SYNE1: variants seen among roughly 807,000 people sequenced by gnomAD.
SYNE1 encodes spectrin repeat containing nuclear envelope protein 1, also known as nesprin-1.
A neutral mutation model predicts 1,111.0 loss-of-function variants in SYNE1; 616 were observed. The ratio of observed to expected loss-of-function variants is 0.55; its 90% CI spans 0.52 to 0.59. SYNE1 has a LOEUF of 0.59. Among genes scored for constraint, SYNE1 ranks in the 20% least tolerant of loss-of-function variants. The probability of loss-of-function intolerance (pLI) is 0.00; values close to 1 mark genes in which losing one functional copy is unlikely to be tolerated. For synonymous variants in SYNE1, 3,855 were observed against 3,825.8 expected (o/e 1.01, Z -0.28); for missense variants, 10,006 against 10,417.0 (o/e 0.96, Z 1.72).
chr6:152,339,361 T>A lies in SYNE1; in HGVS notation c.12231A>T (p.Lys4077Asn). ...CCTGCTCTTGCAAAGCTCTGAAGTG[T>A]TTGACCTGGAAAAGGCAGTTATCAG... ...LSRAEAIKQV[K>N]HFRALQEQAR... is the part of the protein sequence containing the mutation. The change falls in exon 75 of 146, where the codon AAA becomes AAT. Residue 4077 changes from lysine to asparagine, a missense_variant. By Grantham distance (94) the Lys-to-Asn change is moderately conservative. Around this residue, in one of 7 missense-constraint regions of SYNE1, gnomAD observed 4,955 missense variants for 5,017.2 expected, o/e 0.99. Transcript: ENST00000367255. The A allele has an allele frequency of 6.2e-7, 1 of 1,613,716 alleles. No individual in the cohort carries two copies. Among genetic ancestry groups the A allele is most frequent in the South Asian group, 1.1e-5 (1 of 91,072 alleles).
intron 3 of SYNE1, among the ~76,000 whole-genome samples, chr6:152,603,902 AT>A (rs2099603572): frequency 6.8e-6 from 1 of 147,164 alleles, no homozygotes. Flanking sequence ...GTATAGATAG[AT>A]ATACTATCTA....
rs1421368743 is a variant in SYNE1 at position 152,310,746 on chromosome 6, G to T, written c.16838C>A (p.Thr5613Asn). Residue 5613 changes from threonine to asparagine, a missense_variant, in exon 88 of 146, where the codon ACT becomes AAT. Transcript: ENST00000367255. ...SQQVAELGRE[T>N]EELRQMIKIR... is the part of the protein sequence containing the mutation. Reference sequence around the variant, plus strand: ...TTTGATCATCTGTCGCAACTCCTCAGTCTCCCGTCCCAGTTCTGCCACTTG... The same window carrying T: ...TTTGATCATCTGTCGCAACTCCTCATTCTCCCGTCCCAGTTCTGCCACTTG... 1.9e-6 allele frequency: 3 copies of T among 1,613,574 alleles called. No individual in the cohort carries two copies. The African/African-American group carries it at 4.0e-5, about 22-fold the overall frequency.
rs751437755 is a variant in SYNE1 at position 152,176,551 on chromosome 6, C to T, written c.23470G>A (p.Glu7824Lys). ...TTCTCTTGAGCAATAGCAATTTCCT[C>T]TTGATAATCCTGTGTAATAAATAGC... ...MIEKLKKDYQ[E>K]EIAIAQENKI... The change falls in exon 130 of 146, where the codon GAG becomes AAG. Residue 7824 changes from glutamate (E) to lysine (K), a missense_variant. Transcript: ENST00000367255. The T allele has an allele frequency of 9.3e-6, 15 of 1,613,984 alleles. No homozygotes were observed. The highest frequency in any genetic ancestry group is 1.2e-5 in the Non-Finnish European group (14 of 1,179,940).
In SYNE1 at chr6:152,141,307, C is replaced by A. The variant is rs1366039204; in HGVS notation, c.25142G>T (p.Ser8381Ile). Residue 8381 changes from serine (S) to isoleucine (I), a missense_variant, in exon 139 of 146, where the codon AGT becomes ATT. Physicochemically the swap from Ser to Ile is moderately radical, Grantham distance 142 (BLOSUM62 -2). Transcript: ENST00000367255. ...KGYMKLLGEC[S>I]SSIDSVKRLE... ...TCTCTTCACGGAGTCTATACTGCTA[C>A]TGCATTCGCCCAGCAGTTTCATCTG... 6.8e-6 allele frequency: 11 copies of A among 1,614,088 alleles called. No individual in the cohort carries two copies. The East Asian group carries it at 2.5e-4, about 36-fold the overall frequency.
chr6:152,305,801 G>C (rs889543760), intron 91 of SYNE1, among the ~76,000 whole-genome samples: 1 of 152,110 alleles, frequency 6.6e-6, no homozygotes, highest in Non-Finnish European at 1.5e-5. Flanking sequence ...ACACAGGACT[G>C]CATCATTTTT....
chr6:152,503,357 G>T (rs931367060), intron 9 of SYNE1, among the ~76,000 whole-genome samples: 3 of 152,098 alleles, frequency 2.0e-5, no homozygotes, highest in Non-Finnish European at 4.4e-5. Flanking sequence ...CACTCTTCGA[G>T]GGAAACTCTT....
chr6:152,321,130 T>A, intron 84 of SYNE1, 108 bp downstream of exon 84: 3 of 1,279,490 alleles, frequency 2.3e-6, no homozygotes, highest in Non-Finnish European at 2.2e-6. Flanking sequence ...CTATTTTTTT[T>A]AACTCTGTCT....
rs150859827 is a variant in SYNE1, at chr6:152,439,504, C to T, written c.4149+1626G>A. ...TCAGCCTCCCAAAGTTTTAGGATTA[C>T]AGGCATGAGCCATCGTACCCGGCCA... is the stretch of plus-strand genomic sequence containing the variant. On this transcript the variant is annotated intron_variant, in intron 32 of 145. Transcript: ENST00000367255. Among the ~76,000 whole-genome samples, 480 of 152,242 alleles carry T rather than the reference C, an allele frequency of 3.2e-3. 2 individuals carry two copies. Among genetic ancestry groups the T allele is most frequent in the African/African-American group, 0.011 (459 of 41,556 alleles).
At chr6:152,447,765 T>C (rs1223224568) in intron 28 of SYNE1, 143 bp from the exon 29 acceptor site, 17 of 947,814 alleles carry the variant, frequency 1.8e-5, no homozygotes, top group Non-Finnish European at 4.9e-6. Flanking sequence ...CCTGCTTAGT[T>C]TACTTTTTGT....
intron 3 of SYNE1, among the ~76,000 whole-genome samples, chr6:152,599,557 T>G (rs1172034618): frequency 6.6e-6 from 1 of 152,212 alleles, no homozygotes; most frequent in Non-Finnish European, 1.5e-5. Flanking sequence ...TTTTGCCTAA[T>G]TTTTAGATAA....
chr6:152,220,743 T>G (rs776790896), intron 119 of SYNE1, 99 bp downstream of exon 119: 2 of 1,118,808 alleles, frequency 1.8e-6, no homozygotes, highest in Non-Finnish European at 2.7e-6. Context: ...GGTAACTGTC[T>G]CACATAGAAA....
At chr6:152,506,935 G>A (rs1403473714) in intron 8 of SYNE1, among the ~76,000 whole-genome samples, 1 of 152,046 alleles carries the variant, frequency 6.6e-6, no homozygotes, top group East Asian at 1.9e-4. Flanking sequence ...TTTTACCAAT[G>A]TACACTGTTT....
rs1480193161 is a variant in SYNE1 at position 152,364,951 on chromosome 6, G to A, written c.10041C>T (p.Val3347=). Residue 3347 remains valine (V), a synonymous_variant, in exon 63 of 146, where the codon GTC becomes GTT. Coordinates refer to ENST00000367255, the MANE Select transcript of SYNE1 (RefSeq NM_182961.4). ...MKMIVTRGES[V]LQNTSPEGIP... is the part of the protein sequence containing the mutation. ...TGCCTTCTGGAGAAGTATTCTGAAG[G>A]ACAGATTCTCCCCTGGTCACTATCA... 6 of 1,614,070 alleles carry A rather than the reference G, an allele frequency of 3.7e-6. No individual in the cohort carries two copies. The highest frequency in any genetic ancestry group is 5.1e-6 in the Non-Finnish European group (6 of 1,180,044).
chr6:152,216,655 T>C (rs1464323391), intron 121 of SYNE1, among the ~76,000 whole-genome samples: 1 of 152,136 alleles, frequency 6.6e-6, no homozygotes, highest in Non-Finnish European at 1.5e-5. Context: ...CACATGGTCT[T>C]TTCCCTAAGA....
intron 47 of SYNE1, among the ~76,000 whole-genome samples, chr6:152,400,771 A>C (rs1032124902): frequency 6.6e-6 from 1 of 152,248 alleles, no homozygotes; most frequent in Non-Finnish European, 1.5e-5. Context: ...GTGACCAATA[A>C]ATATAATTAA....
intron 106 of SYNE1, among the ~76,000 whole-genome samples, chr6:152,243,918 C>T (rs2086418804): frequency 6.6e-6 from 1 of 152,162 alleles, no homozygotes; most frequent in Non-Finnish European, 1.5e-5. Flanking sequence ...ATATCAGATT[C>T]TTGCCTAAAT....
rs1310428962 is a variant in SYNE1, at chr6:152,122,555, TGAG to T, written c.26272_26274del (p.Leu8758del). ...ATTGGTACAAGGCAGGCAAGCCCGA[TGAG>T]GAGGAGCAGGAGAAGCTGAAGGGGA... On this transcript the variant is annotated inframe_deletion, in exon 146 of 146. Coordinates refer to ENST00000367255, the MANE Select transcript of SYNE1 (RefSeq NM_182961.4). 5 of 1,613,956 alleles carry T rather than the reference TGAG, an allele frequency of 3.1e-6. No homozygotes were observed. Among genetic ancestry groups the T allele is most frequent in the Non-Finnish European group, 2.5e-6 (3 of 1,180,018 alleles).
Position 152,353,297 on chromosome 6 carries a change from G to A in SYNE1, c.11219C>T (p.Thr3740Ile), listed in dbSNP as rs1434298372. The A allele has an allele frequency of 3.7e-6, 6 of 1,614,000 alleles. No homozygotes were observed. Among genetic ancestry groups the A allele is most frequent in the African/African-American group, 1.3e-5 (1 of 74,904 alleles). ...CTTCAATTTCTTCCCCATCATTACT[G>A]TATCTACTTTGTCAATCTTGGTAGC... Reference protein sequence around the residue: ...NVATKIDKVDTVMMGKKLKTL... With the variant: ...NVATKIDKVDIVMMGKKLKTL... Residue 3740 changes from threonine (T) to isoleucine (I), a missense_variant, in exon 69 of 146, where the codon ACA becomes ATA. This residue lies in a region of SYNE1 where 4,955 missense variants were observed against 5,017.2 expected (regional missense o/e 0.99). Transcript: ENST00000367255.
intron 93 of SYNE1, among the ~76,000 whole-genome samples, chr6:152,297,816 TGTGTGTGCGC>T (rs756962889): frequency 0.015 from 1,289 of 83,222 alleles, 12 homozygotes; most frequent in East Asian, 0.028. Flanking sequence ...TGTGTGTGTG[TGTGTGTGCGC>T]GCGCACGTGG....
Sources: gnomAD v4.1 joint callset for allele counts (sites outside exome capture counted in the v4.1 genomes callset) on GRCh38, gnomAD v4.1.1 for gene constraint, gnomAD v4.1.1 regional missense constraint, MANE v1.5 for transcripts, NCBI Gene and HGNC (gene_info 2026-07-23, HGNC 2026-07-21) for gene names.